GFRA1: variants seen among roughly 807,000 people sequenced by gnomAD.
GFRA1 encodes GDNF family receptor alpha 1.
In GFRA1, 16 loss-of-function variants were observed where a neutral mutation model predicts 51.6. The ratio of observed to expected loss-of-function variants is 0.31; its 90% CI spans 0.21 to 0.47. The LOEUF is 0.47. Ranked by LOEUF, GFRA1 falls within the 20% of genes least tolerant of loss-of-function variation. The pLI is 1.00. For synonymous variants in GFRA1, 270 were observed against 241.3 expected (o/e 1.12, Z -1.10); for missense variants, 530 against 594.3 (o/e 0.89, Z 1.13).
intron 5 of GFRA1, among the ~76,000 whole-genome samples, chr10:116,193,604 C>G (rs1482681434): frequency 6.6e-6 from 1 of 152,144 alleles, no homozygotes; most frequent in Non-Finnish European, 1.5e-5. Flanking sequence ...AATTCTGTGT[C>G]CTGTTACCTG....
chr10:116,159,533 G>T (rs1404225816), intron 5 of GFRA1, among the ~76,000 whole-genome samples: 1 of 152,168 alleles, frequency 6.6e-6, no homozygotes. Flanking sequence ...CACAGAGCTT[G>T]GTGTCAGGGT....
chr10:116,269,721 G>A lies in GFRA1; in HGVS notation c.335-135C>T, dbSNP rs535675434. On this transcript the variant is annotated intron_variant, in intron 3 of 10. Coordinates refer to ENST00000355422, the MANE Select transcript of GFRA1 (RefSeq NM_005264.8). ...GCTGAAACTTTGAAAGATTTCAAAT[G>A]CATCTCTTTCACTATGGTTATTTCT... 3 of 694,006 alleles carry A rather than the reference G, an allele frequency of 4.3e-6. No homozygotes were observed. The Admixed American group carries it at 6.2e-5, about 14-fold the overall frequency. 43.0% of individuals were successfully genotyped at this position (694,006 alleles called of 1,614,324 possible).
At chr10:116,271,144 T>G in intron 2 of GFRA1, 29 bp from the exon 3 acceptor site, 1 of 1,574,378 alleles carries the variant, frequency 6.4e-7, no homozygotes, top group South Asian at 1.1e-5. Flanking sequence ...GGAGCCTGAG[T>G]GCGGCGGGCG....
chr10:116,185,287 C>T (rs1962598515), intron 5 of GFRA1, among the ~76,000 whole-genome samples: 1 of 152,032 alleles, frequency 6.6e-6, no homozygotes, highest in Admixed American at 6.6e-5. Context: ...TATGAAATCT[C>T]CAGGCTTTGG....
chr10:116,061,839 T>C lies in GFRA1; in HGVS notation c.*2559A>G, dbSNP rs7071452. On this transcript the variant is annotated 3_prime_UTR_variant, in exon 11 of 11. Transcript: ENST00000355422. ...AGTTCTGGGGCAAATGATGGTGTTTTAGGGTCACCGTGTCAAACTAAGATC... is the reference window on the plus strand; with the variant it reads ...AGTTCTGGGGCAAATGATGGTGTTTCAGGGTCACCGTGTCAAACTAAGATC... The C allele has an allele frequency of 0.37, 144,785 of 396,372 alleles. 31,465 individuals carry two copies. Among genetic ancestry groups the C allele is most frequent in the African/African-American group, 0.68 (33,222 of 48,636 alleles). 24.6% of individuals were successfully genotyped at this position (396,372 alleles called of 1,614,324 possible).
intron 6 of GFRA1, among the ~76,000 whole-genome samples, chr10:116,117,726 GATGGACAGATGGATGA>G (rs1480574266): frequency 2.0e-5 from 3 of 152,110 alleles, no homozygotes; most frequent in Admixed American, 2.0e-4. Flanking sequence ...ATAGATGGAT[GATGGACAGATGGATGA>G]ATGGAAAACT....
intron 5 of GFRA1, among the ~76,000 whole-genome samples, chr10:116,185,005 C>T (rs577010158): frequency 3.4e-4 from 51 of 152,194 alleles, no homozygotes; most frequent in African/African-American, 1.1e-3. Context: ...GTTTTTCCAT[C>T]GAAAAATATA....
At chr10:116,172,974 A>C (rs866462869) in intron 5 of GFRA1, among the ~76,000 whole-genome samples, 6 of 152,302 alleles carry the variant, frequency 3.9e-5, no homozygotes, top group South Asian at 2.1e-4. Flanking sequence ...CTGACATGAA[A>C]TCATCCTGAA....
chr10:116,133,224 C>T (rs146198867), intron 5 of GFRA1, among the ~76,000 whole-genome samples: 7 of 152,060 alleles, frequency 4.6e-5, no homozygotes, highest in Non-Finnish European at 1.0e-4. Flanking sequence ...TCTGTATTAC[C>T]GAGAATGCCA....
chr10:116,096,837 T>G, intron 6 of GFRA1, 73 bp from the exon 7 acceptor site: 1 of 807,518 alleles, frequency 1.2e-6, no homozygotes, highest in Non-Finnish European at 2.1e-6. Context: ...CAGACATGTT[T>G]TCTTTATTCC....
chr10:116,218,500 G>T lies in GFRA1; in HGVS notation c.419-6855C>A, dbSNP rs557614586. Among the ~76,000 whole-genome samples, 90 of 152,276 alleles carry T rather than the reference G, an allele frequency of 5.9e-4. 1 individual carries two copies. The highest frequency in any genetic ancestry group is 6.8e-3 in the Middle Eastern group (2 of 294). Reference sequence around the variant, plus strand: ...TGAAGCAGAGCCCCTTCCTGCCCAGGTGCAGGTCTGTATCTCCCGGAGCAT... The same window carrying T: ...TGAAGCAGAGCCCCTTCCTGCCCAGTTGCAGGTCTGTATCTCCCGGAGCAT... On this transcript the variant is annotated intron_variant, in intron 4 of 10. Coordinates refer to ENST00000355422, the MANE Select transcript of GFRA1 (RefSeq NM_005264.8).
intron 5 of GFRA1, among the ~76,000 whole-genome samples, chr10:116,140,991 C>T (rs552345049): frequency 6.6e-6 from 1 of 152,164 alleles, no homozygotes; most frequent in Non-Finnish European, 1.5e-5. Context: ...TGGCACAGAT[C>T]GATCAAACAG....
intron 4 of GFRA1, among the ~76,000 whole-genome samples, chr10:116,242,525 A>C (rs931629418): frequency 5.3e-5 from 8 of 151,664 alleles, no homozygotes; most frequent in Non-Finnish European, 1.0e-4. Context: ...TGTGTCGCCC[A>C]GGCTGGAGTG....
chr10:116,249,153 T>A (rs983196831), intron 4 of GFRA1, among the ~76,000 whole-genome samples: 4 of 152,206 alleles, frequency 2.6e-5, no homozygotes, highest in South Asian at 2.1e-4. Context: ...TTGGGATCAC[T>A]TTTTACACTT....
intron 8 of GFRA1, among the ~76,000 whole-genome samples, chr10:116,091,511 C>A (rs1421499585): frequency 6.6e-6 from 1 of 152,158 alleles, no homozygotes; most frequent in Non-Finnish European, 1.5e-5. Context: ...TGAATAAAGA[C>A]CTGAGTGAAA....
chr10:116,137,001 G>A (rs573505888), intron 5 of GFRA1, among the ~76,000 whole-genome samples: 2 of 152,336 alleles, frequency 1.3e-5, no homozygotes, highest in South Asian at 4.1e-4. Context: ...CCAGGAATAA[G>A]TGTTTCGCTT....
At chr10:116,126,988 A>G (rs150885052) in intron 5 of GFRA1, among the ~76,000 whole-genome samples, 72 of 152,138 alleles carry the variant, frequency 4.7e-4, no homozygotes, top group African/African-American at 1.7e-3. Context: ...GAAATAAACC[A>G]GTCACAGGAG....
intron 9 of GFRA1, among the ~76,000 whole-genome samples, chr10:116,075,271 C>G (rs1565555635): frequency 6.6e-6 from 1 of 152,080 alleles, no homozygotes; most frequent in East Asian, 1.9e-4. Flanking sequence ...AACAATTGGT[C>G]TATTTTTGCA....
intron 7 of GFRA1, among the ~76,000 whole-genome samples, chr10:116,096,143 A>G (rs4751576): frequency 0.48 from 72,741 of 151,990 alleles, 21,080 homozygotes; most frequent in Non-Finnish European, 0.67. Context: ...TAAATCACCC[A>G]CTGCACACTG....
Sources: allele counts gnomAD v4.1 joint callset (sites outside exome capture counted in the v4.1 genomes callset), GRCh38; gene constraint gnomAD v4.1.1; transcripts MANE v1.5; gene names NCBI Gene and HGNC (gene_info 2026-07-23, HGNC 2026-07-21).